ETNK1: variants seen among roughly 807,000 people sequenced by gnomAD.
The protein encoded by ETNK1 is ethanolamine kinase 1.
In ETNK1, 8 loss-of-function variants were observed where a neutral mutation model predicts 45.1. That is an observed-to-expected ratio of 0.18 (90% CI 0.10 to 0.32). The LOEUF is 0.32. ETNK1 is among the 10% of genes least tolerant of loss of function. The pLI is 1.00. For synonymous variants in ETNK1, 152 were observed against 151.9 expected (o/e 1.00, Z -0.01); for missense variants, 302 against 430.6 (o/e 0.70, Z 2.64).
intron 2 of ETNK1, chr12:22,656,940 A>G (rs1953949875): frequency 4.2e-6 from 2 of 477,056 alleles, no homozygotes; most frequent in South Asian, 9.0e-5. Context: ...TCTTTCTTCA[A>G]GCTTTTTGTT....
At chr12:22,658,978 T>C in intron 2 of ETNK1, 36 bp from the exon 3 acceptor site, 1 of 1,595,514 alleles carries the variant, frequency 6.3e-7, no homozygotes, top group Non-Finnish European at 8.5e-7. Context: ...TTATGATACT[T>C]AAGTTTTTCT....
At chr12:22,664,261 CATATA>C (rs1369304333) in intron 4 of ETNK1, among the ~76,000 whole-genome samples, 1 of 151,648 alleles carries the variant, frequency 6.6e-6, no homozygotes, top group African/African-American at 2.4e-5. Context: ...ATATAATATG[CATATA>C]ATATAACTAG....
At chr12:22,644,252 G>C (rs1206189661) in intron 2 of ETNK1, 3 of 1,608,502 alleles carry the variant, frequency 1.9e-6, no homozygotes, top group South Asian at 1.1e-5. Context: ...ACTACAAGAT[G>C]TTTTGGATTA....
In ETNK1 at chr12:22,674,014, G is replaced by T. The variant is rs543525729; in HGVS notation, c.945+354G>T. Among the ~76,000 whole-genome samples the T allele has an allele frequency of 4.6e-5, 7 of 152,230 alleles. No individual in the cohort carries two copies. In the East Asian group the frequency reaches 1.3e-3, roughly 29 times the overall value. On this transcript the variant is annotated intron_variant, in intron 6 of 7. Coordinates refer to ENST00000266517, the MANE Select transcript of ETNK1 (RefSeq NM_018638.5). ...ATCAAAGTCAAATTTTACAGGAGAG[G>T]AGCTTTTCCACAACACATTTTATGG...
intron 6 of ETNK1, among the ~76,000 whole-genome samples, chr12:22,679,600 G>T (rs1954193904): frequency 6.6e-6 from 1 of 151,966 alleles, no homozygotes; most frequent in South Asian, 2.1e-4. Flanking sequence ...ACCATCATAG[G>T]GTCCGATAAG....
chr12:22,661,865 G>A (rs1221991053), intron 4 of ETNK1, among the ~76,000 whole-genome samples: 1 of 151,986 alleles, frequency 6.6e-6, no homozygotes, highest in Non-Finnish European at 1.5e-5. Context: ...TTCAATTTCT[G>A]TTTTCATATT....
At chr12:22,636,829 A>G (rs1277679357) in intron 1 of ETNK1, among the ~76,000 whole-genome samples, 1 of 152,252 alleles carries the variant, frequency 6.6e-6, no homozygotes, top group South Asian at 2.1e-4. Context: ...ATGGCAGAAT[A>G]TAAATAGGTT....
At position 22,656,870 on chromosome 12, in the gene ETNK1, T is replaced by C. The variant is rs1439630311; in HGVS notation, c.417-2144T>C. Reference sequence around the variant, plus strand: ...TCTGTTTCATTTCAGTAAATATTTCTAAGATATAATATTCTGTTGACATAG... The same window carrying C: ...TCTGTTTCATTTCAGTAAATATTTCCAAGATATAATATTCTGTTGACATAG... On this transcript the variant is annotated intron_variant, in intron 2 of 7. Coordinates refer to ENST00000266517, the MANE Select transcript of ETNK1 (RefSeq NM_018638.5). The C allele has an allele frequency of 5.7e-6, 5 of 877,916 alleles. No homozygotes were observed. In the African/African-American group the frequency reaches 9.1e-5, roughly 16 times the overall value. 54.4% of individuals were successfully genotyped at this position (877,916 alleles called of 1,614,324 possible).
chr12:22,680,266 A>C (rs1257085300), intron 6 of ETNK1, among the ~76,000 whole-genome samples: 1 of 151,718 alleles, frequency 6.6e-6, no homozygotes, highest in Non-Finnish European at 1.5e-5. Context: ...ATTAGCCTTT[A>C]CTGGTCTCTT....
chr12:22,633,819 G>A lies in ETNK1; in HGVS notation c.156+8233G>A, dbSNP rs1048905877. On this transcript the variant is annotated intron_variant, in intron 1 of 7. Transcript: ENST00000266517. ...AAATTACTTTATTGTTGGTATATAG[G>A]ATTATAATTAATTGCTTTATACTGA... Among the ~76,000 whole-genome samples the A allele has an allele frequency of 3.3e-5, 5 of 151,918 alleles. No homozygotes were observed. In the East Asian group the frequency reaches 5.8e-4, roughly 18 times the overall value.
At chr12:22,643,285 A>G (rs1024159628) in intron 1 of ETNK1, among the ~76,000 whole-genome samples, 2 of 152,082 alleles carry the variant, frequency 1.3e-5, no homozygotes, top group Non-Finnish European at 2.9e-5. Flanking sequence ...AATGTTGTTA[A>G]GGACTTCTAT....
chr12:22,630,950 G>C (rs181913227), intron 1 of ETNK1, among the ~76,000 whole-genome samples: 1 of 152,192 alleles, frequency 6.6e-6, no homozygotes, highest in East Asian at 1.9e-4. Flanking sequence ...ATGTATTAGA[G>C]AAGTGACAGG....
rs781616992 is a variant in ETNK1, at chr12:22,625,182, C to T, written c.-249C>T. 2.5e-5 allele frequency: 40 copies of T among 1,600,440 alleles called. No individual in the cohort carries two copies. Among genetic ancestry groups the T allele is most frequent in the Non-Finnish European group, 3.2e-5 (37 of 1,172,444 alleles). ...CCCCGGCATGCTCTGCGGCCGCCCGCGGTCCAGCTCCGACAACAGGAATTT... is the reference window on the plus strand; with the variant it reads ...CCCCGGCATGCTCTGCGGCCGCCCGTGGTCCAGCTCCGACAACAGGAATTT... On this transcript the variant is annotated 5_prime_UTR_variant, in exon 1 of 8. Coordinates refer to ENST00000266517, the MANE Select transcript of ETNK1 (RefSeq NM_018638.5).
At chr12:22,669,357 A>G (rs1954084470) in intron 4 of ETNK1, among the ~76,000 whole-genome samples, 2 of 152,118 alleles carry the variant, frequency 1.3e-5, no homozygotes, top group South Asian at 4.1e-4. Context: ...TCACTTGTCT[A>G]TCACCTGTTA....
chr12:22,675,006 A>G (rs886896358), intron 6 of ETNK1, among the ~76,000 whole-genome samples: 1 of 152,254 alleles, frequency 6.6e-6, no homozygotes, highest in African/African-American at 2.4e-5. Context: ...GATGTACAGA[A>G]TAACTCTTTT....
intron 4 of ETNK1, among the ~76,000 whole-genome samples, chr12:22,662,242 ATTTTTTTTTT>A: frequency 1.4e-5 from 1 of 73,416 alleles, no homozygotes; most frequent in African/African-American, 5.1e-5. Flanking sequence ...TAATTTTTGT[ATTTTTTTTTT>A]TTTTTTTTTT....
intron 6 of ETNK1, among the ~76,000 whole-genome samples, chr12:22,680,889 T>TC (rs1954207976): frequency 3.0e-5 from 2 of 67,368 alleles, no homozygotes; most frequent in Admixed American, 1.4e-4. Flanking sequence ...GGAGCTTTTC[T>TC]TCCCCCGCCC....
At chr12:22,638,004 G>A (rs891235850) in intron 1 of ETNK1, among the ~76,000 whole-genome samples, 2 of 152,054 alleles carry the variant, frequency 1.3e-5, no homozygotes, top group East Asian at 1.9e-4. Context: ...AGAGTTGAAA[G>A]GTAGTTTAGG....
chr12:22,655,222 C>T (rs1209271529), intron 2 of ETNK1, among the ~76,000 whole-genome samples: 3 of 152,178 alleles, frequency 2.0e-5, no homozygotes, highest in Non-Finnish European at 2.9e-5. Context: ...TCCACCTTGG[C>T]CTCCCAAAGT....
Sources: gnomAD v4.1 joint callset for allele counts (sites outside exome capture counted in the v4.1 genomes callset) on GRCh38, gnomAD v4.1.1 for gene constraint, MANE v1.5 for transcripts, NCBI Gene and HGNC (gene_info 2026-07-23, HGNC 2026-07-21) for gene names.